RIMS2: variants seen among roughly 807,000 people sequenced by gnomAD.
The protein encoded by RIMS2 is regulating synaptic membrane exocytosis protein 2.
In RIMS2, 59 loss-of-function variants were observed where a neutral mutation model predicts 174.4. The ratio of observed to expected loss-of-function variants is 0.34; its 90% CI spans 0.27 to 0.42. The LOEUF is 0.42. RIMS2 is among the 10% of genes least tolerant of loss of function. The probability of loss-of-function intolerance (pLI) is 1.00; values close to 1 mark genes in which losing one functional copy is unlikely to be tolerated. For synonymous variants in RIMS2, 606 were observed against 572.5 expected (o/e 1.06, Z -0.84); for missense variants, 1,620 against 1,666.3 (o/e 0.97, Z 0.48).
intron 14 of RIMS2, among the ~76,000 whole-genome samples, chr8:103,958,564 T>C (rs1442427874): frequency 2.0e-5 from 3 of 151,976 alleles, no homozygotes; most frequent in East Asian, 1.9e-4. Context: ...AATAAAAGTT[T>C]AAAAAAGAAT....
intron 3 of RIMS2, among the ~76,000 whole-genome samples, chr8:103,847,441 T>C (rs1280215627): frequency 6.6e-6 from 1 of 152,136 alleles, no homozygotes; most frequent in East Asian, 1.9e-4. Flanking sequence ...ACAGTATGTG[T>C]TGGGATCAGT....
At chr8:103,513,295 GTCC>G (rs1827453034) in intron 1 of RIMS2, among the ~76,000 whole-genome samples, 1 of 152,152 alleles carries the variant, frequency 6.6e-6, no homozygotes, top group African/African-American at 2.4e-5. Flanking sequence ...TTGGATAATA[GTCC>G]TGGCTCCATC....
chr8:103,947,118 C>T (rs1006926008), intron 14 of RIMS2, among the ~76,000 whole-genome samples: 1 of 152,072 alleles, frequency 6.6e-6, no homozygotes, highest in Non-Finnish European at 1.5e-5. Flanking sequence ...GGATAATAGA[C>T]CCAGCTGTAA....
chr8:103,744,623 G>T (rs940009715), intron 2 of RIMS2, among the ~76,000 whole-genome samples: 1 of 152,158 alleles, frequency 6.6e-6, no homozygotes, highest in African/African-American at 2.4e-5. Flanking sequence ...ACCTGCAAAT[G>T]GTTCCTGAAC....
At position 104,131,643 on chromosome 8, in the gene RIMS2, G is replaced by A. The variant is rs114336524; in HGVS notation, c.3335-113273G>A. ...CAATCATGCAGTTATTGCTCTAGGA[G>A]GTGAGTAATACATTAAGCTAAAAAC... On this transcript the variant is annotated intron_variant, in intron 19 of 23. Transcript: ENST00000504942. 3.2e-3 allele frequency among the ~76,000 whole-genome samples: 491 copies of A among 152,188 alleles called. 1 individual carries two copies. The highest frequency in any genetic ancestry group is 0.011 in the African/African-American group (469 of 41,522).
intron 3 of RIMS2, among the ~76,000 whole-genome samples, chr8:103,861,504 C>T (rs1236186461): frequency 2.6e-5 from 4 of 152,112 alleles, no homozygotes; most frequent in East Asian, 3.9e-4. Context: ...CCCAGTAGTG[C>T]GATTGCTGGG....
intron 4 of RIMS2, among the ~76,000 whole-genome samples, chr8:103,906,983 A>T (rs2074557969): frequency 6.6e-6 from 1 of 152,212 alleles, no homozygotes; most frequent in Non-Finnish European, 1.5e-5. Flanking sequence ...GCACTTCTCT[A>T]GCCCACAGAA....
intron 1 of RIMS2, among the ~76,000 whole-genome samples, chr8:103,623,726 T>G (rs1564063270): frequency 6.6e-6 from 1 of 151,794 alleles, no homozygotes; most frequent in Non-Finnish European, 1.5e-5. Flanking sequence ...CCTGACCTCG[T>G]GATCCGCCCG....
intron 3 of RIMS2, among the ~76,000 whole-genome samples, chr8:103,799,707 G>A (rs1304141795): frequency 6.6e-6 from 1 of 152,146 alleles, no homozygotes; most frequent in Non-Finnish European, 1.5e-5. Flanking sequence ...CATTGAAGCT[G>A]AGGATCCCCT....
intron 1 of RIMS2, among the ~76,000 whole-genome samples, chr8:103,538,714 A>C (rs1841059340): frequency 6.6e-6 from 1 of 152,026 alleles, no homozygotes; most frequent in South Asian, 2.1e-4. Context: ...ACAGGGTTTC[A>C]CCATGTTAGC....
chr8:103,895,364 T>C (rs1486566915), intron 4 of RIMS2, among the ~76,000 whole-genome samples: 1 of 151,474 alleles, frequency 6.6e-6, no homozygotes, highest in East Asian at 1.9e-4. Flanking sequence ...AGTTTGAGAT[T>C]AAGGTGCTGG....
At chr8:103,588,170 A>T (rs2094065273) in intron 1 of RIMS2, among the ~76,000 whole-genome samples, 1 of 151,974 alleles carries the variant, frequency 6.6e-6, no homozygotes, top group Non-Finnish European at 1.5e-5. Flanking sequence ...GTAAAATTAA[A>T]TACCTAGAAA....
chr8:103,717,740 A>G (rs1320014679), intron 2 of RIMS2, among the ~76,000 whole-genome samples: 1 of 152,180 alleles, frequency 6.6e-6, no homozygotes, highest in Non-Finnish European at 1.5e-5. Context: ...TTTTGTGTGG[A>G]TTTGGGACAT....
At chr8:103,951,831 C>T (rs956978843) in intron 14 of RIMS2, among the ~76,000 whole-genome samples, 3 of 152,204 alleles carry the variant, frequency 2.0e-5, no homozygotes, top group Non-Finnish European at 4.4e-5. Flanking sequence ...TCAATGGAGC[C>T]CAGCAAGCTA....
chr8:104,074,633 A>T (rs936578395), intron 19 of RIMS2, among the ~76,000 whole-genome samples: 3 of 152,192 alleles, frequency 2.0e-5, no homozygotes, highest in Non-Finnish European at 4.4e-5. Context: ...CACAAATCTA[A>T]AAGGAAAAAT....
chr8:103,737,611 A>C (rs1010514675), intron 2 of RIMS2, among the ~76,000 whole-genome samples: 5 of 152,136 alleles, frequency 3.3e-5, no homozygotes, highest in African/African-American at 1.2e-4. Flanking sequence ...TACTCACGTA[A>C]CTTCCTATTG....
At chr8:103,955,706 T>A (rs1033045482) in intron 14 of RIMS2, among the ~76,000 whole-genome samples, 2 of 152,144 alleles carry the variant, frequency 1.3e-5, no homozygotes, top group Admixed American at 1.3e-4. Flanking sequence ...AAGGATGCCC[T>A]CTCTCACCAC....
intron 19 of RIMS2, among the ~76,000 whole-genome samples, chr8:104,204,232 T>C (rs1008874709): frequency 5.3e-5 from 8 of 152,236 alleles, no homozygotes; most frequent in Non-Finnish European, 8.8e-5. Flanking sequence ...CCTATCTATA[T>C]ATGCAATGTT....
chr8:103,676,408 C>T (rs1238653881), intron 1 of RIMS2, among the ~76,000 whole-genome samples: 1 of 152,126 alleles, frequency 6.6e-6, no homozygotes, highest in African/African-American at 2.4e-5. Flanking sequence ...GCATGTATAG[C>T]TCTTAAAAAG....
Sources: allele counts gnomAD v4.1 joint callset (sites outside exome capture counted in the v4.1 genomes callset), GRCh38; gene constraint gnomAD v4.1.1; transcripts MANE v1.5; gene names NCBI Gene and HGNC (gene_info 2026-07-23, HGNC 2026-07-21).